The following PDZRN4 variants were observed in gnomAD, a reference collection of about 807,000 sequenced individuals.
PDZRN4 encodes the protein PDZ domain-containing RING finger protein 4.
Under a neutral mutation model 99.0 loss-of-function variants are expected in PDZRN4, and 70 were observed. That is an observed-to-expected ratio of 0.71 (90% CI 0.58 to 0.86). PDZRN4 has a LOEUF of 0.86. Ranked by LOEUF, PDZRN4 falls within the 40% of genes least tolerant of loss-of-function variation. The pLI is 0.00. For missense variants in PDZRN4, 1,474 were observed against 1,331.2 expected (o/e 1.11, Z -1.67); for synonymous variants, 551 against 501.6 (o/e 1.10, Z -1.32).
At chr12:41,447,145 A>G (rs754471330) in intron 3 of PDZRN4, among the ~76,000 whole-genome samples, 19 of 152,228 alleles carry the variant, frequency 1.2e-4, no homozygotes, top group Admixed American at 2.6e-4. Flanking sequence ...ATCATAGAAT[A>G]TGTATAAATA....
chr12:41,559,442 TTTCTGAATCAGATAACAAGA>T (rs1266555995), intron 7 of PDZRN4, among the ~76,000 whole-genome samples: 26 of 152,294 alleles, frequency 1.7e-4, no homozygotes, highest in African/African-American at 6.0e-4. Flanking sequence ...GAATATGGCA[TTTCTGAATCAGATAACAAGA>T]GTAAAAGACC....
rs116577538 is a variant in PDZRN4, at chr12:41,498,941, G to A, written c.844-7515G>A. Among the ~76,000 whole-genome samples the A allele has an allele frequency of 1.7e-3, 265 of 152,192 alleles. 2 individuals carry two copies. Among genetic ancestry groups the A allele is most frequent in the African/African-American group, 6.0e-3 (251 of 41,550 alleles). Reference sequence around the variant, plus strand: ...CCACATTTTTGTTAAAGTCAGAAGAGTTTCATGCTTAGGGTCCCAGAAGAA... The same window carrying A: ...CCACATTTTTGTTAAAGTCAGAAGAATTTCATGCTTAGGGTCCCAGAAGAA... On this transcript the variant is annotated intron_variant, in intron 3 of 9. Transcript: ENST00000402685.
chr12:41,495,626 C>G (rs540828079), intron 3 of PDZRN4, among the ~76,000 whole-genome samples: 2 of 152,218 alleles, frequency 1.3e-5, no homozygotes, highest in East Asian at 3.9e-4. Context: ...CTCACCACAG[C>G]CTTCCAAGTT....
intron 3 of PDZRN4, among the ~76,000 whole-genome samples, chr12:41,224,276 C>T (rs1307377266): frequency 6.6e-6 from 1 of 152,172 alleles, no homozygotes; most frequent in Non-Finnish European, 1.5e-5. Flanking sequence ...AAACAATGCT[C>T]AGAGAGATTA....
At chr12:41,209,654 T>C (rs1387284072) in intron 3 of PDZRN4, among the ~76,000 whole-genome samples, 5 of 151,278 alleles carry the variant, frequency 3.3e-5, no homozygotes, top group Non-Finnish European at 7.4e-5. Flanking sequence ...GCTTCATCCA[T>C]GTCCCTACAA....
At chr12:41,419,231 A>G (rs1565578105) in intron 3 of PDZRN4, among the ~76,000 whole-genome samples, 1 of 152,118 alleles carries the variant, frequency 6.6e-6, no homozygotes, top group South Asian at 2.1e-4. Context: ...GAGTCACCAT[A>G]AAGCTGGTTG....
At chr12:41,244,708 C>T (rs1951122947) in intron 3 of PDZRN4, among the ~76,000 whole-genome samples, 2 of 146,320 alleles carry the variant, frequency 1.4e-5, no homozygotes, top group South Asian at 2.2e-4. Context: ...GACGGAGTCT[C>T]GCTCTGTCGC....
intron 5 of PDZRN4, among the ~76,000 whole-genome samples, chr12:41,549,301 C>T (rs1480057847): frequency 6.6e-6 from 1 of 152,280 alleles, no homozygotes; most frequent in East Asian, 1.9e-4. Context: ...AAGTCAGAGG[C>T]TTGTGTGTCC....
chr12:41,422,876 A>G (rs750302672), intron 3 of PDZRN4, among the ~76,000 whole-genome samples: 2 of 152,178 alleles, frequency 1.3e-5, no homozygotes, highest in Non-Finnish European at 2.9e-5. Context: ...TGCACACACA[A>G]TGGAAATTTC....
chr12:41,395,873 T>C (rs927684221), intron 3 of PDZRN4, among the ~76,000 whole-genome samples: 1 of 152,100 alleles, frequency 6.6e-6, no homozygotes, highest in Non-Finnish European at 1.5e-5. Context: ...AAAAATTTTA[T>C]AGGAATGCCC....
intron 3 of PDZRN4, among the ~76,000 whole-genome samples, chr12:41,214,140 T>C (rs1402961730): frequency 6.6e-6 from 1 of 151,284 alleles, no homozygotes; most frequent in African/African-American, 2.4e-5. Flanking sequence ...TGTTATCTTC[T>C]GGATATATTG....
intron 5 of PDZRN4, among the ~76,000 whole-genome samples, chr12:41,512,926 A>G (rs1460732280): frequency 2.0e-5 from 3 of 152,122 alleles, no homozygotes; most frequent in Non-Finnish European, 4.4e-5. Context: ...CCAGAGCAAG[A>G]GCAATGCATC....
chr12:41,393,291 T>C (rs534092451), intron 3 of PDZRN4, among the ~76,000 whole-genome samples: 1 of 152,198 alleles, frequency 6.6e-6, no homozygotes, highest in South Asian at 2.1e-4. Context: ...CTAATAAATA[T>C]TTGCTGGGTA....
chr12:41,273,185 G>A (rs948695413), intron 3 of PDZRN4, among the ~76,000 whole-genome samples: 1 of 151,918 alleles, frequency 6.6e-6, no homozygotes, highest in Non-Finnish European at 1.5e-5. Context: ...GTAATGTTAG[G>A]CACTATGGAT....
At chr12:41,453,440 A>G (rs1217130000) in intron 3 of PDZRN4, among the ~76,000 whole-genome samples, 1 of 152,162 alleles carries the variant, frequency 6.6e-6, no homozygotes, top group Non-Finnish European at 1.5e-5. Flanking sequence ...AGAGTGTGTC[A>G]TTGGAGCATA....
chr12:41,324,310 G>A lies in PDZRN4; in HGVS notation c.843+130122G>A, dbSNP rs555463397. Among the ~76,000 whole-genome samples the A allele has an allele frequency of 1.3e-3, 204 of 152,136 alleles. 1 individual carries two copies. The highest frequency in any genetic ancestry group is 4.7e-3 in the African/African-American group (195 of 41,532). On this transcript the variant is annotated intron_variant, in intron 3 of 9. Transcript: ENST00000402685. ...AAATTTCTAGGTAAAACAAGTGTTT[G>A]AAGATTAGGCCATACTTTAAAAATC...
intron 5 of PDZRN4, among the ~76,000 whole-genome samples, chr12:41,542,814 T>C (rs1422787100): frequency 3.3e-5 from 5 of 152,200 alleles, no homozygotes; most frequent in African/African-American, 1.2e-4. Flanking sequence ...ATCATAATTA[T>C]GTTTTTTTTT....
intron 3 of PDZRN4, among the ~76,000 whole-genome samples, chr12:41,387,863 G>A (rs993308373): frequency 4.6e-5 from 7 of 152,176 alleles, no homozygotes; most frequent in Non-Finnish European, 7.4e-5. Flanking sequence ...GTGGAAGACA[G>A]TGTGATGGTT....
chr12:41,530,904 TC>T (rs2120738882), intron 5 of PDZRN4, among the ~76,000 whole-genome samples: 2 of 152,200 alleles, frequency 1.3e-5, no homozygotes, highest in South Asian at 4.1e-4. Flanking sequence ...GGGGTGTGGC[TC>T]GCTTCTTCAG....
Sources: allele counts gnomAD v4.1 joint callset (sites outside exome capture counted in the v4.1 genomes callset), GRCh38; gene constraint gnomAD v4.1.1; transcripts MANE v1.5; gene names NCBI Gene and HGNC (gene_info 2026-07-23, HGNC 2026-07-21).